Variants in RCBTB2 observed in about 807,000 individuals in gnomAD.
RCBTB2 encodes RCC1 and BTB domain containing protein 2, also known as RCC1 and BTB domain-containing protein 2.
Under a neutral mutation model 65.4 loss-of-function variants are expected in RCBTB2, and 55 were observed. The ratio of observed to expected loss-of-function variants is 0.84; its 90% confidence interval spans 0.68 to 1.05. The LOEUF (loss-of-function observed/expected upper bound fraction) is 1.05. Ranked by LOEUF, RCBTB2 falls within the 50% of genes least tolerant of loss-of-function variation. The pLI, the probability that RCBTB2 is intolerant of heterozygous loss-of-function variation, is 0.00. For missense variants in RCBTB2, 599 were observed against 680.1 expected (o/e 0.88, Z 1.33); for synonymous variants, 220 against 255.2 (o/e 0.86, Z 1.31).
rs568580257 is a variant in RCBTB2, at chr13:48,515,939, C to T, written c.43-198G>A. Among the ~76,000 whole-genome samples the T allele has an allele frequency of 2.2e-4, 33 of 152,312 alleles. No individual in the cohort carries two copies. In the East Asian group the frequency reaches 5.8e-3, roughly 27 times the overall value. ...TCACAGCCATCGAGCAGCGGAGGCC[C>T]GGATGGAACCAGGTCTCCCCTACTC... On this transcript the variant is annotated intron_variant, in intron 4 of 14. Coordinates refer to ENST00000344532, the MANE Select transcript of RCBTB2 (RefSeq NM_001268.4).
chr13:48,508,647 G>T (rs7988584), intron 10 of RCBTB2, among the ~76,000 whole-genome samples: 10 of 152,036 alleles, frequency 6.6e-5, no homozygotes, highest in Non-Finnish European at 1.5e-4. Flanking sequence ...CAGGTGATCC[G>T]CCCGCCTTGG....
At chr13:48,526,033 T>C (rs1344430859) in intron 1 of RCBTB2, among the ~76,000 whole-genome samples, 1 of 152,188 alleles carries the variant, frequency 6.6e-6, no homozygotes, top group African/African-American at 2.4e-5. Flanking sequence ...GCTACAGCTT[T>C]TCCATCTGAC....
At chr13:48,525,029 C>A (rs1164170412) in intron 1 of RCBTB2, among the ~76,000 whole-genome samples, 3 of 151,572 alleles carry the variant, frequency 2.0e-5, no homozygotes, top group Non-Finnish European at 4.4e-5. Flanking sequence ...AAAATGCACA[C>A]TAAGGAGAAT....
intron 9 of RCBTB2, among the ~76,000 whole-genome samples, chr13:48,511,453 T>C (rs1310392915): frequency 3.3e-5 from 5 of 152,202 alleles, no homozygotes; most frequent in Non-Finnish European, 7.3e-5. Flanking sequence ...TGTAAGACAG[T>C]TACAGGAATT....
rs1450107002 is a variant in RCBTB2, at chr13:48,511,815, T to TG, written c.737dup (p.Thr247AsnfsTer29). On this transcript the variant is annotated frameshift_variant, in exon 9 of 15. Coordinates refer to ENST00000344532, the MANE Select transcript of RCBTB2 (RefSeq NM_001268.4). LOFTEE classifies it high-confidence loss of function. ...GCAAAGCTGCCACTCTGCAAGGGGT[T>TG]GGCTGGTTGCCACTGTTGCCGAGTC... 1 of 1,614,216 alleles carries TG rather than the reference T, an allele frequency of 6.2e-7. No homozygotes were observed. Among genetic ancestry groups the TG allele is most frequent in the East Asian group, 2.2e-5 (1 of 44,886 alleles).
rs1159001873 is a variant in RCBTB2 at position 48,525,385 on chromosome 13, T to C, written c.-218-628A>G. Among the ~76,000 whole-genome samples the C allele has an allele frequency of 6.2e-5, 6 of 96,476 alleles. No individual in the cohort carries two copies. The East Asian group carries it at 1.5e-3, about 24-fold the overall frequency. The allele number at this position is 96,476 out of a possible 152,430, so 63.3% of individuals were successfully genotyped here. A position where few individuals can be genotyped will look rare whatever the true frequency, so the allele number is the denominator to read the frequency against. ...GCAAAGGATTCATGATATATATATA[T>C]ATATATATATATATATATATATATA... On this transcript the variant is annotated intron_variant, in intron 1 of 14. Coordinates refer to ENST00000344532, the MANE Select transcript of RCBTB2 (RefSeq NM_001268.4).
At chr13:48,534,420 G>C (rs1314195175), upstream of RCBTB2, among the ~76,000 whole-genome samples, 1 of 152,118 alleles carries the variant, frequency 6.6e-6, no homozygotes, top group African/African-American at 2.4e-5. Flanking sequence ...TTACTTTACA[G>C]ATAAGGCAAC....
intron 1 of RCBTB2, among the ~76,000 whole-genome samples, chr13:48,531,673 C>CTT (rs2138676682): frequency 6.6e-6 from 1 of 152,300 alleles, no homozygotes; most frequent in East Asian, 1.9e-4. Flanking sequence ...ATTCTTGTTG[C>CTT]TTTTACCTGC....
intron 10 of RCBTB2, 57 bp downstream of exon 10, chr13:48,510,572 C>T: frequency 6.4e-7 from 1 of 1,568,434 alleles, no homozygotes; most frequent in Non-Finnish European, 8.8e-7. Context: ...TATCTAAGTC[C>T]TGTTTAATCA....
chr13:48,532,742 C>G (rs1478568544), intron 1 of RCBTB2: 1 of 300,588 alleles, frequency 3.3e-6, no homozygotes, highest in East Asian at 1.5e-4. Context: ...CGGGCCCACG[C>G]CAGCGGAATT....
rs1949962155 is a variant in RCBTB2, at chr13:48,496,219, A to G, written c.1487T>C (p.Leu496Pro). The G allele has an allele frequency of 6.4e-7, 1 of 1,573,536 alleles. No individual in the cohort carries two copies. Among genetic ancestry groups the G allele is most frequent in the Non-Finnish European group, 8.6e-7 (1 of 1,158,970 alleles). The change falls in exon 14 of 15, where the codon CTC becomes CCC. Residue 496 changes from leucine to proline, a missense_variant. Coordinates refer to ENST00000344532, the MANE Select transcript of RCBTB2 (RefSeq NM_001268.4). ...GICEENAIAL[L>P]SAAVKYDAQD... ...TGCATCATACTTCACCGCAGCCGAG[A>G]GCAGAGCGATGGCATTCTCCTCGCA...
chr13:48,496,714 GAAGAA>G (rs1344927672), intron 13 of RCBTB2, among the ~76,000 whole-genome samples: 5 of 147,540 alleles, frequency 3.4e-5, no homozygotes, highest in South Asian at 2.2e-4. Context: ...GAAAAGAAAA[GAAGAA>G]AAGAAAACAA....
At chr13:48,498,914 TCAA>T (rs995509745) in intron 13 of RCBTB2, among the ~76,000 whole-genome samples, 3 of 151,980 alleles carry the variant, frequency 2.0e-5, no homozygotes, top group Non-Finnish European at 2.9e-5. Context: ...ATCCCATCTA[TCAA>T]CAAATCCCAT....
chr13:48,515,726 G>C lies in RCBTB2; in HGVS notation c.58C>G (p.Leu20Val), dbSNP rs768853886. The change falls in exon 5 of 15, where the codon CTG becomes GTG. Residue 20 changes from leucine to valine, a missense_variant. Transcript: ENST00000344532. ...ACATCTAACATCTTCAAAGATGACAGAGTAGCCTGTACTGGCTGAAAAGGA... is the reference window on the plus strand; with the variant it reads ...ACATCTAACATCTTCAAAGATGACACAGTAGCCTGTACTGGCTGAAAAGGA... ...GDSGKPVQAT[L>V]SSLKMLDVGK... The C allele has an allele frequency of 4.3e-5, 70 of 1,609,312 alleles. No homozygotes were observed. The highest frequency in any genetic ancestry group is 5.5e-5 in the Non-Finnish European group (65 of 1,178,832).
upstream of RCBTB2, chr13:48,535,648 T>C (rs1390842910): frequency 4.4e-6 from 2 of 456,642 alleles, no homozygotes; most frequent in Non-Finnish European, 8.8e-6. Flanking sequence ...GACCTCAGAA[T>C]TGCTAAATCA....
At chr13:48,521,594 C>T (rs1951427489) in intron 4 of RCBTB2, among the ~76,000 whole-genome samples, 1 of 152,214 alleles carries the variant, frequency 6.6e-6, no homozygotes. Flanking sequence ...CATTGATCAA[C>T]TCATAGCCTC....
intron 13 of RCBTB2, among the ~76,000 whole-genome samples, chr13:48,497,732 T>C (rs563054725): frequency 6.6e-6 from 1 of 152,362 alleles, no homozygotes; most frequent in East Asian, 1.9e-4. Context: ...TAATAAATCT[T>C]ATACATGTGG....
chr13:48,504,876 CTCAGAGGCTGAGACATGCTGTTCTCAT>C, intron 10 of RCBTB2, among the ~76,000 whole-genome samples: 1 of 152,086 alleles, frequency 6.6e-6, no homozygotes, highest in Non-Finnish European at 1.5e-5. Flanking sequence ...ACCGGCTCGC[CTCAGAGGCTGAGACATGCTGTTCTCAT>C]GTGCGGTAAT....
chr13:48,498,801 C>A (rs1055328480), intron 13 of RCBTB2, among the ~76,000 whole-genome samples: 1 of 152,078 alleles, frequency 6.6e-6, no homozygotes, highest in Non-Finnish European at 1.5e-5. Flanking sequence ...AAGTCCAGAG[C>A]AAGCCTGTTG....
Sources: allele counts gnomAD v4.1 joint callset (sites outside exome capture counted in the v4.1 genomes callset), GRCh38; gene constraint gnomAD v4.1.1; transcripts MANE v1.5; gene names NCBI Gene and HGNC (gene_info 2026-07-23, HGNC 2026-07-21).